SCTR: variants seen among roughly 807,000 people sequenced by gnomAD.
The protein encoded by SCTR is secretin receptor.
Under a neutral mutation model 60.8 loss-of-function variants are expected in SCTR, and 56 were observed. That is an observed-to-expected ratio of 0.92 (90% CI 0.74 to 1.15). SCTR has a LOEUF of 1.15. Among genes scored for constraint, SCTR ranks in the 50% most tolerant of loss-of-function variants. SCTR has a pLI of 0.00. For missense variants in SCTR, 562 were observed against 550.4 expected (o/e 1.02, Z -0.21); for synonymous variants, 202 against 217.0 (o/e 0.93, Z 0.61).
chr2:119,517,450 G>A (rs1331267974), intron 1 of SCTR, among the ~76,000 whole-genome samples: 2 of 152,110 alleles, frequency 1.3e-5, no homozygotes, highest in African/African-American at 2.4e-5. Flanking sequence ...GTGAGCCACC[G>A]TGCTTAGTCT....
chr2:119,466,046 T>C (rs1304613738), intron 4 of SCTR, among the ~76,000 whole-genome samples, 160 bp from the exon 5 acceptor site: 1 of 152,076 alleles, frequency 6.6e-6, no homozygotes, highest in African/African-American at 2.4e-5. Context: ...CGTAACATCC[T>C]GGCATTGGAA....
intron 1 of SCTR, among the ~76,000 whole-genome samples, chr2:119,514,036 AC>A (rs1319996162): frequency 6.6e-6 from 1 of 152,132 alleles, no homozygotes; most frequent in Admixed American, 6.5e-5. Flanking sequence ...AGGGTGTATC[AC>A]CCTTTGTCTC....
At chr2:119,468,352 G>A (rs546545995) in intron 4 of SCTR, among the ~76,000 whole-genome samples, 4 of 152,214 alleles carry the variant, frequency 2.6e-5, no homozygotes, top group Admixed American at 2.0e-4. Flanking sequence ...ACAGTGTACT[G>A]TAGAGAAAGA....
intron 1 of SCTR, among the ~76,000 whole-genome samples, chr2:119,505,308 A>T (rs1035570816): frequency 2.3e-5 from 3 of 131,314 alleles, no homozygotes; most frequent in African/African-American, 2.8e-5. Flanking sequence ...AGACTAGATT[A>T]AAAAAATGTG....
intron 1 of SCTR, among the ~76,000 whole-genome samples, chr2:119,507,489 G>A (rs1199368118): frequency 6.6e-6 from 1 of 152,092 alleles, no homozygotes; most frequent in Non-Finnish European, 1.5e-5. Flanking sequence ...GGGGAATAGG[G>A]GAAGAACTCG....
chr2:119,446,819 GA>G lies in SCTR; in HGVS notation c.1079del (p.Phe360SerfsTer15). On this transcript the variant is annotated frameshift_variant, in exon 11 of 13. Coordinates refer to ENST00000019103, the MANE Select transcript of SCTR (RefSeq NM_002980.3). LOFTEE classifies it high-confidence loss of function. Reference sequence around the variant, plus strand: ...GGATCTCCATAGCGTCCTCTGGGGAGAAGGCGAAGACGATGTAGTGGATGCC... The same window carrying G: ...GGATCTCCATAGCGTCCTCTGGGGAGAGGCGAAGACGATGTAGTGGATGCC... The part of the protein sequence containing the change: ...LFGIHYIVFA[F>X]SPEDAMEIQL... 6.3e-7 allele frequency: 1 copy of G among 1,584,702 alleles called. No homozygotes were observed. The highest frequency in any genetic ancestry group is 8.6e-7 in the Non-Finnish European group (1 of 1,164,638).
At chr2:119,465,917 G>C (rs772772341) in intron 4 of SCTR, 31 bp from the exon 5 acceptor site, 2 of 1,504,282 alleles carry the variant, frequency 1.3e-6, no homozygotes, top group Middle Eastern at 1.7e-4. Flanking sequence ...CAGCCCCGCC[G>C]GCCCTCCTGG....
intron 1 of SCTR, among the ~76,000 whole-genome samples, chr2:119,518,364 G>A (rs917042388): frequency 1.4e-5 from 2 of 144,058 alleles, no homozygotes; most frequent in Non-Finnish European, 2.9e-5. Flanking sequence ...AGAGGGAGGC[G>A]GGAGGTGAGA....
At chr2:119,442,747 A>G (rs1299316235) in intron 11 of SCTR, among the ~76,000 whole-genome samples, 9 of 152,234 alleles carry the variant, frequency 5.9e-5, no homozygotes. Flanking sequence ...CCTTTTATCC[A>G]GGTTGCACTC....
In SCTR at chr2:119,440,168, C is replaced by T. The variant is rs758416938; in HGVS notation, c.1272G>A (p.Lys424=). ...CCTGGCTCTGCTCCAAGTGGCTGGCCTTGGTGCTGTTGCTGAAGGAGGCCA... is the reference window on the plus strand; with the variant it reads ...CCTGGCTCTGCTCCAAGTGGCTGGCTTTGGTGCTGTTGCTGAAGGAGGCCA... The part of the protein sequence containing the change: ...HPVASFSNST[K]ASHLEQSQGT... The change falls in exon 13 of 13, where the codon AAG becomes AAA. Residue 424 remains lysine (K), a synonymous_variant. Coordinates refer to ENST00000019103, the MANE Select transcript of SCTR (RefSeq NM_002980.3). 1 of 1,614,072 alleles carries T rather than the reference C, an allele frequency of 6.2e-7. No individual in the cohort carries two copies. Among genetic ancestry groups the T allele is most frequent in the Admixed American group, 1.7e-5 (1 of 60,014 alleles).
intron 9 of SCTR, among the ~76,000 whole-genome samples, chr2:119,450,153 C>A (rs901527114): frequency 6.6e-6 from 1 of 151,644 alleles, no homozygotes; most frequent in African/African-American, 2.4e-5. Context: ...AGCAAGGAAG[C>A]AAGCAAGCAA....
chr2:119,513,954 G>A (rs1162467598), intron 1 of SCTR, among the ~76,000 whole-genome samples: 1 of 152,146 alleles, frequency 6.6e-6, no homozygotes, highest in Non-Finnish European at 1.5e-5. Flanking sequence ...ATAAAACTAT[G>A]GTAATTTTTT....
At chr2:119,449,610 T>C (rs1443491859) in intron 9 of SCTR, among the ~76,000 whole-genome samples, 3 of 152,110 alleles carry the variant, frequency 2.0e-5, no homozygotes, top group Admixed American at 6.5e-5. Flanking sequence ...CATTAGGAAG[T>C]TGCCCACATG....
At position 119,515,133 on chromosome 2, in the gene SCTR, C is replaced by T. The variant is rs1052163577; in HGVS notation, c.72+9022G>A. ...TTAGCAGTCTGCCCATCACTGGTGA[C>T]ATGAAGGTGAATGGGACATAGATTC... is the stretch of plus-strand genomic sequence containing the variant. On this transcript the variant is annotated intron_variant, in intron 1 of 12. Coordinates refer to ENST00000019103, the MANE Select transcript of SCTR (RefSeq NM_002980.3). Among the ~76,000 whole-genome samples, 42 of 152,274 alleles carry T rather than the reference C, an allele frequency of 2.8e-4. 1 individual carries two copies. Among genetic ancestry groups the T allele is most frequent in the Admixed American group, 2.3e-3 (35 of 15,300 alleles).
chr2:119,451,653 T>C (rs1481991752), intron 9 of SCTR, among the ~76,000 whole-genome samples: 5 of 151,952 alleles, frequency 3.3e-5, no homozygotes, highest in Non-Finnish European at 5.9e-5. Flanking sequence ...AACAAGCAAA[T>C]CCCTAGAAAA....
At chr2:119,461,353 G>C (rs1173769175) in intron 7 of SCTR, among the ~76,000 whole-genome samples, 1 of 152,222 alleles carries the variant, frequency 6.6e-6, no homozygotes, top group Non-Finnish European at 1.5e-5. Context: ...TTTGAGCTAG[G>C]ATTTCCCACT....
intron 9 of SCTR, 45 bp from the exon 10 acceptor site, chr2:119,448,825 T>A (rs902879987): frequency 9.6e-7 from 1 of 1,044,294 alleles, no homozygotes; most frequent in African/African-American, 1.6e-5. Flanking sequence ...ATCTTGCTTT[T>A]CCAGCCACCT....
intron 2 of SCTR, chr2:119,480,580 C>T (rs1241536757): frequency 1.3e-5 from 2 of 152,244 alleles, no homozygotes; most frequent in African/African-American, 4.8e-5. Flanking sequence ...TAAGATCTTA[C>T]TGAGTCCCTC....
intron 1 of SCTR, among the ~76,000 whole-genome samples, chr2:119,517,725 A>C (rs958668636): frequency 6.6e-6 from 1 of 152,120 alleles, no homozygotes; most frequent in Non-Finnish European, 1.5e-5. Context: ...GGAGAGGAAG[A>C]GGGTGAAGGT....
Sources: allele counts gnomAD v4.1 joint callset (sites outside exome capture counted in the v4.1 genomes callset), GRCh38; gene constraint gnomAD v4.1.1; transcripts MANE v1.5; gene names NCBI Gene and HGNC (gene_info 2026-07-23, HGNC 2026-07-21).